TMPRSS15: variants seen among roughly 807,000 people sequenced by gnomAD.
TMPRSS15 encodes the protein enteropeptidase.
In TMPRSS15, 128 loss-of-function variants were observed where a neutral mutation model predicts 125.3. That is an observed-to-expected ratio of 1.02 (90% CI 0.89 to 1.18). TMPRSS15 has a LOEUF of 1.18. Ranked by LOEUF, TMPRSS15 falls within the 50% of genes most tolerant of loss-of-function variation. The pLI, the probability that TMPRSS15 is intolerant of heterozygous loss-of-function variation, is 0.00. For synonymous variants in TMPRSS15, 446 were observed against 423.2 expected (o/e 1.05, Z -0.66); for missense variants, 1,283 against 1,212.7 (o/e 1.06, Z -0.86).
intron 1 of TMPRSS15, 47 bp downstream of exon 1, chr21:18,403,431 T>C (rs910677267): frequency 1.1e-5 from 18 of 1,613,050 alleles, no homozygotes; most frequent in Non-Finnish European, 1.4e-5. Context: ...CTAAAGTGTG[T>C]ACATTCAGCT....
intron 14 of TMPRSS15, among the ~76,000 whole-genome samples, chr21:18,330,610 G>T (rs2075334836): frequency 6.6e-6 from 1 of 152,040 alleles, no homozygotes; most frequent in Admixed American, 6.6e-5. Flanking sequence ...TCTATACTGT[G>T]CTACATTTGT....
chr21:18,358,898 A>G (rs1346812571), intron 8 of TMPRSS15, among the ~76,000 whole-genome samples: 4 of 152,104 alleles, frequency 2.6e-5, no homozygotes, highest in African/African-American at 9.7e-5. Flanking sequence ...TTCACTTTTC[A>G]TTACGTATAA....
At chr21:18,350,379 T>C (rs1778064840) in intron 10 of TMPRSS15, among the ~76,000 whole-genome samples, 1 of 152,192 alleles carries the variant, frequency 6.6e-6, no homozygotes, top group South Asian at 2.1e-4. Flanking sequence ...CTGGATCCTG[T>C]TGGCTTCAGT....
At chr21:18,446,109 G>C (rs528377921) in intron 1 of TMPRSS15, among the ~76,000 whole-genome samples, 2 of 152,136 alleles carry the variant, frequency 1.3e-5, no homozygotes, top group African/African-American at 2.4e-5. Flanking sequence ...ATTCAATAAA[G>C]TTGTAGAATA....
chr21:18,325,165 T>C (rs2075276456), intron 16 of TMPRSS15, among the ~76,000 whole-genome samples: 1 of 152,076 alleles, frequency 6.6e-6, no homozygotes, highest in Non-Finnish European at 1.5e-5. Flanking sequence ...AATCATGTCA[T>C]TTTCTGTATT....
chr21:18,473,940 G>T (rs1252247136), intron 1 of TMPRSS15, among the ~76,000 whole-genome samples: 1 of 151,800 alleles, frequency 6.6e-6, no homozygotes, highest in Non-Finnish European at 1.5e-5. Flanking sequence ...TGCCATCAAG[G>T]GTTTGTCCTG....
intron 1 of TMPRSS15, among the ~76,000 whole-genome samples, chr21:18,426,868 TCTAA>T (rs1021799096): frequency 6.6e-4 from 100 of 152,340 alleles, no homozygotes; most frequent in African/African-American, 2.3e-3. Context: ...CATGCCATAA[TCTAA>T]CTGTCTTCTT....
chr21:18,315,203 C>A lies in TMPRSS15; in HGVS notation c.1975G>T (p.Val659Leu). The A allele has an allele frequency of 1.2e-6, 2 of 1,613,964 alleles. No homozygotes were observed. The highest frequency in any genetic ancestry group is 1.7e-6 in the Non-Finnish European group (2 of 1,180,020). The change falls in exon 17 of 25, where the codon GTG (valine) becomes TTG (leucine). Residue 659 changes from valine to leucine, a missense_variant. Transcript: ENST00000284885. ...QCKNGECVPL[V>L]NLCDGHLHCE... ...TGCAGATGACCGTCACAGAGATTCACCAGTGGAACACACTCTCCATTTTTA... is the reference window on the plus strand; with the variant it reads ...TGCAGATGACCGTCACAGAGATTCAACAGTGGAACACACTCTCCATTTTTA...
intron 18 of TMPRSS15, among the ~76,000 whole-genome samples, chr21:18,300,341 G>T (rs879469237): frequency 6.9e-4 from 78 of 113,578 alleles, no homozygotes; most frequent in Middle Eastern, 4.5e-3. Context: ...TTGCCTTCCT[G>T]CCTTCTTTCT....
intron 1 of TMPRSS15, among the ~76,000 whole-genome samples, chr21:18,438,147 T>TA (rs1237544703): frequency 1.4e-4 from 21 of 150,440 alleles, no homozygotes; most frequent in Non-Finnish European, 7.4e-5. Flanking sequence ...TATGCAGCCA[T>TA]AAAAAATGAT....
intron 3 of TMPRSS15, among the ~76,000 whole-genome samples, chr21:18,387,954 T>C (rs2075959961): frequency 6.6e-6 from 1 of 152,182 alleles, no homozygotes; most frequent in South Asian, 2.1e-4. Flanking sequence ...TAATGAGTCT[T>C]CTACTGTTTC....
At chr21:18,461,101 T>C (rs1425523278) in intron 1 of TMPRSS15, among the ~76,000 whole-genome samples, 1 of 152,084 alleles carries the variant, frequency 6.6e-6, no homozygotes, top group Admixed American at 6.6e-5. Flanking sequence ...TCTCAGCAAA[T>C]CGACCATCAG....
At chr21:18,444,598 C>T (rs934070335) in intron 1 of TMPRSS15, among the ~76,000 whole-genome samples, 6 of 151,932 alleles carry the variant, frequency 3.9e-5, no homozygotes, top group Non-Finnish European at 8.8e-5. Flanking sequence ...GAAATCTGCA[C>T]GTTGTGCACA....
intron 21 of TMPRSS15, among the ~76,000 whole-genome samples, chr21:18,290,043 T>C (rs1292759940): frequency 6.6e-6 from 1 of 152,178 alleles, no homozygotes; most frequent in Non-Finnish European, 1.5e-5. Flanking sequence ...GTAGTATGAG[T>C]CAGCAATTCT....
chr21:18,437,721 A>G (rs2076231062), intron 1 of TMPRSS15, among the ~76,000 whole-genome samples: 1 of 152,260 alleles, frequency 6.6e-6, no homozygotes, highest in Admixed American at 6.5e-5. Flanking sequence ...AGACACATGA[A>G]AAAATGCTCA....
In TMPRSS15 at chr21:18,434,521, G is replaced by T. The variant is rs186227786; in HGVS notation, c.11-36192C>A. ...CAGAAGCAGACACATATCCAGAATA[G>T]TGATTTTTAAAAATATCTATGTAAA... is the stretch of plus-strand genomic sequence containing the variant. On this transcript the variant is annotated intron_variant, in intron 1 of 7. Coordinates refer to the TMPRSS15 transcript ENST00000422787. Among the ~76,000 whole-genome samples the T allele has an allele frequency of 4.0e-3, 610 of 152,156 alleles. 3 individuals carry two copies. Among genetic ancestry groups the T allele is most frequent in the Non-Finnish European group, 7.4e-3 (501 of 67,968 alleles).
intron 21 of TMPRSS15, among the ~76,000 whole-genome samples, chr21:18,293,845 A>G (rs547341229): frequency 8.3e-4 from 126 of 152,350 alleles, no homozygotes; most frequent in African/African-American, 2.4e-3. Context: ...AGCACAGTAT[A>G]ATTGTAATTT....
chr21:18,302,947 T>C (rs997431008), intron 18 of TMPRSS15, among the ~76,000 whole-genome samples: 1 of 152,182 alleles, frequency 6.6e-6, no homozygotes, highest in Admixed American at 6.6e-5. Context: ...AGAGGGCATA[T>C]GACACACACC....
At chr21:18,277,591 G>A (rs573991657) in intron 23 of TMPRSS15, among the ~76,000 whole-genome samples, 2 of 152,308 alleles carry the variant, frequency 1.3e-5, no homozygotes, top group South Asian at 4.1e-4. Context: ...GCAATACAGT[G>A]TCATTGCTGT....
Sources: gnomAD v4.1 joint callset for allele counts (sites outside exome capture counted in the v4.1 genomes callset) on GRCh38, gnomAD v4.1.1 for gene constraint, MANE v1.5 for transcripts, NCBI Gene and HGNC (gene_info 2026-07-23, HGNC 2026-07-21) for gene names.